MAGI2: variants seen among roughly 807,000 people sequenced by gnomAD.
MAGI2 encodes membrane-associated guanylate kinase, WW and PDZ domain-containing protein 2.
In MAGI2, 35 loss-of-function variants were observed where a neutral mutation model predicts 133.3. The observed-to-expected ratio is 0.26, with a 90% confidence interval of 0.20 to 0.35. The LOEUF (loss-of-function observed/expected upper bound fraction) is 0.35. Ranked by LOEUF, MAGI2 falls within the 10% of genes least tolerant of loss-of-function variation. The pLI is 1.00. For missense variants in MAGI2, 1,636 were observed against 1,863.4 expected, an observed-to-expected ratio of 0.88 and a Z score of 2.25; for synonymous variants, 729 against 710.6, an observed-to-expected ratio of 1.03 and a Z score of -0.41.
intron 1 of MAGI2, among the ~76,000 whole-genome samples, chr7:79,189,822 C>T (rs911130014): frequency 2.2e-4 from 33 of 151,756 alleles, no homozygotes; most frequent in African/African-American, 8.0e-4. Flanking sequence ...GATCTTTTTA[C>T]TGTCTCCAGA....
chr7:78,905,848 AG>A (rs1368934070), intron 2 of MAGI2, among the ~76,000 whole-genome samples: 1 of 152,196 alleles, frequency 6.6e-6, no homozygotes, highest in Non-Finnish European at 1.5e-5. Context: ...AACCCCTAAC[AG>A]TGATTCTCTA....
intron 1 of MAGI2, among the ~76,000 whole-genome samples, chr7:79,442,487 T>TGTGTG (rs1848559541): frequency 6.6e-6 from 1 of 150,730 alleles, no homozygotes; most frequent in East Asian, 2.0e-4. Flanking sequence ...TGTGTGTGTG[T>TGTGTG]TCCATGTATC....
intron 1 of MAGI2, chr7:79,139,711 A>T (rs1821937740): frequency 6.6e-6 from 1 of 152,210 alleles, no homozygotes; most frequent in Non-Finnish European, 1.5e-5. Context: ...TCTTTATTAT[A>T]ATTCTAGATC....
intron 21 of MAGI2, among the ~76,000 whole-genome samples, chr7:78,029,046 T>A (rs1319010625): frequency 6.6e-6 from 1 of 152,026 alleles, no homozygotes; most frequent in Non-Finnish European, 1.5e-5. Flanking sequence ...TAATATAACC[T>A]TATTAATATT....
At chr7:79,075,445 C>A (rs1584867344) in intron 1 of MAGI2, among the ~76,000 whole-genome samples, 1 of 152,020 alleles carries the variant, frequency 6.6e-6, no homozygotes, top group African/African-American at 2.4e-5. Flanking sequence ...TTTAGAAAAA[C>A]AAAATAATAG....
At chr7:79,187,418 T>C (rs1282330140) in intron 1 of MAGI2, among the ~76,000 whole-genome samples, 1 of 151,766 alleles carries the variant, frequency 6.6e-6, no homozygotes, top group Non-Finnish European at 1.5e-5. Flanking sequence ...ACATTACCAA[T>C]TTTAGTATAA....
rs189613396 is a variant in MAGI2 at position 79,349,931 on chromosome 7, A to G, written c.301+103089T>C. On this transcript the variant is annotated intron_variant, in intron 1 of 21. Coordinates refer to ENST00000354212, the MANE Select transcript of MAGI2 (RefSeq NM_012301.4). ...AAATAAGAATACTCGCCACCCTCAC[A>G]GTTAAACTAAAGATGCACAGTCTTT... 6.8e-3 allele frequency among the ~76,000 whole-genome samples: 1,039 copies of G among 152,200 alleles called. 8 individuals are homozygous for G. The highest frequency in any genetic ancestry group is 9.0e-3 in the Non-Finnish European group (613 of 67,936).
In MAGI2 at chr7:79,263,729, T is replaced by C. The variant is rs557118849; in HGVS notation, c.301+189291A>G. 7.9e-5 allele frequency among the ~76,000 whole-genome samples: 12 copies of C among 152,188 alleles called. No individual in the cohort carries two copies. The South Asian group carries it at 2.5e-3, about 32-fold the overall frequency. The stretch of plus-strand genomic sequence containing the variant: ...TCTTGAATGGACTGCCCAAGAAAAA[T>C]ATATGCTGCTTTCTTTTTCATTGAC... On this transcript the variant is annotated intron_variant, in intron 1 of 21. Coordinates refer to ENST00000354212, the MANE Select transcript of MAGI2 (RefSeq NM_012301.4).
intron 10 of MAGI2, among the ~76,000 whole-genome samples, chr7:78,236,196 A>G (rs1790522671): frequency 6.6e-6 from 1 of 152,134 alleles, no homozygotes; most frequent in South Asian, 2.1e-4. Context: ...TCCCATATTT[A>G]TAACAGCACC....
intron 10 of MAGI2, among the ~76,000 whole-genome samples, chr7:78,220,951 G>A (rs977588240): frequency 2.0e-5 from 3 of 152,228 alleles, no homozygotes; most frequent in East Asian, 1.9e-4. Flanking sequence ...TGCAGCTGCC[G>A]GGTTTACAAC....
At chr7:78,522,935 T>C (rs1046665576) in intron 3 of MAGI2, among the ~76,000 whole-genome samples, 1 of 152,178 alleles carries the variant, frequency 6.6e-6, no homozygotes, top group African/African-American at 2.4e-5. Context: ...AATAAAATCC[T>C]TGTCTTCCAA....
At chr7:79,383,592 T>C (rs1843958911) in intron 1 of MAGI2, among the ~76,000 whole-genome samples, 1 of 151,588 alleles carries the variant, frequency 6.6e-6, no homozygotes, top group Admixed American at 6.6e-5. Context: ...AATGTAATGT[T>C]CACATACCAC....
intron 1 of MAGI2, among the ~76,000 whole-genome samples, chr7:79,134,842 A>G (rs965002191): frequency 6.6e-6 from 1 of 152,222 alleles, no homozygotes; most frequent in Non-Finnish European, 1.5e-5. Flanking sequence ...GGCATTTTCA[A>G]TAGAAGGCTT....
At chr7:79,249,013 G>A (rs1197004155) in intron 1 of MAGI2, among the ~76,000 whole-genome samples, 4 of 152,030 alleles carry the variant, frequency 2.6e-5, no homozygotes, top group African/African-American at 4.8e-5. Context: ...ACAGGTGCCC[G>A]CCACCACACC....
chr7:79,092,174 C>G (rs1456517426), intron 1 of MAGI2, among the ~76,000 whole-genome samples: 1 of 152,124 alleles, frequency 6.6e-6, no homozygotes, highest in African/African-American at 2.4e-5. Flanking sequence ...AGATTCTAAG[C>G]TATTATGAAA....
chr7:78,465,862 C>T (rs759497607), intron 6 of MAGI2, among the ~76,000 whole-genome samples: 25 of 152,282 alleles, frequency 1.6e-4, no homozygotes, highest in Non-Finnish European at 2.9e-4. Context: ...CCTGAGTAGA[C>T]TATTGCCATC....
intron 1 of MAGI2, among the ~76,000 whole-genome samples, chr7:79,152,589 A>G (rs1823358737): frequency 6.6e-6 from 1 of 152,204 alleles, no homozygotes; most frequent in African/African-American, 2.4e-5. Flanking sequence ...CTGGTTTCCA[A>G]ACATGGATGG....
At position 78,592,823 on chromosome 7, in the gene MAGI2, ATTCTCT is replaced by A. The variant is rs1198189685; in HGVS notation, c.538+34291_538+34296del. ...TTGCATGCCCTCCGAAAAATTACTG[ATTCTCT>A]TTTTTTTTTTTTTTTTTTTTTTTGA... On this transcript the variant is annotated intron_variant, in intron 3 of 21. Coordinates refer to ENST00000354212, the MANE Select transcript of MAGI2 (RefSeq NM_012301.4). 2.9e-5 allele frequency among the ~76,000 whole-genome samples: 3 copies of A among 103,822 alleles called. No homozygotes were observed. The Admixed American group carries it at 3.5e-4, about 12-fold the overall frequency. 68.1% of individuals were successfully genotyped at this position (103,822 alleles called of 152,430 possible).
Position 78,559,369 on chromosome 7 carries a change from A to C in MAGI2, c.539-37724T>G, listed in dbSNP as rs146384699. 3.3e-3 allele frequency among the ~76,000 whole-genome samples: 496 copies of C among 151,878 alleles called. 5 individuals are homozygous for C. Among genetic ancestry groups the C allele is most frequent in the African/African-American group, 0.011 (474 of 41,450 alleles). ...AAACTACTGTATTAACAAATTCCTC[A>C]CACTTTGGGAAGAAATAAGAAAAAT... is the stretch of plus-strand genomic sequence containing the variant. On this transcript the variant is annotated intron_variant, in intron 3 of 21. Coordinates refer to ENST00000354212, the MANE Select transcript of MAGI2 (RefSeq NM_012301.4).
Sources: gnomAD v4.1 joint callset for allele counts (sites outside exome capture counted in the v4.1 genomes callset) on GRCh38, gnomAD v4.1.1 for gene constraint, MANE v1.5 for transcripts, NCBI Gene and HGNC (gene_info 2026-07-23, HGNC 2026-07-21) for gene names.